Variants in XPR1 observed in about 807,000 individuals in gnomAD.
The protein encoded by XPR1 is solute carrier family 53 member 1.
XPR1 carries 28 observed loss-of-function variants against 87.5 expected under a neutral mutation model. The observed-to-expected ratio is 0.32, with a 90% confidence interval of 0.24 to 0.44. The LOEUF is 0.44. Ranked by LOEUF, XPR1 falls within the 20% of genes least tolerant of loss-of-function variation. The pLI is 1.00. For synonymous variants in XPR1, 300 were observed against 306.1 expected (o/e 0.98, Z 0.21); for missense variants, 559 against 862.3 (o/e 0.65, Z 4.41).
chr1:180,639,314 G>A (rs755508332), intron 1 of XPR1, among the ~76,000 whole-genome samples: 7 of 151,314 alleles, frequency 4.6e-5, no homozygotes, highest in African/African-American at 7.3e-5. Flanking sequence ...TTTAAAAATT[G>A]TTTATTTGCT....
chr1:180,754,769 T>A (rs1030938841), intron 2 of XPR1, among the ~76,000 whole-genome samples: 1 of 152,100 alleles, frequency 6.6e-6, no homozygotes, highest in Non-Finnish European at 1.5e-5. Flanking sequence ...GCCTCCTTTC[T>A]TGTATTTTAA....
In XPR1 at chr1:180,783,688, A is replaced by C. The variant is rs555229468; in HGVS notation, c.122-4065A>C. Among the ~76,000 whole-genome samples the C allele has an allele frequency of 1.3e-3, 198 of 152,098 alleles. 2 individuals are homozygous for C. Among genetic ancestry groups the C allele is most frequent in the African/African-American group, 4.6e-3 (189 of 41,522 alleles). Reference sequence around the variant, plus strand: ...TATGTATATTATTTTTTAAATGCTTAATGTTACATAATATCATAATGTACT... The same window carrying C: ...TATGTATATTATTTTTTAAATGCTTCATGTTACATAATATCATAATGTACT... On this transcript the variant is annotated intron_variant, in intron 2 of 14. Transcript: ENST00000367590.
At chr1:180,875,528 A>AT (rs1205828350) in intron 13 of XPR1, among the ~76,000 whole-genome samples, 6 of 148,254 alleles carry the variant, frequency 4.0e-5, no homozygotes, top group South Asian at 2.1e-4. Flanking sequence ...AAAAAAAAAA[A>AT]TTTTTTTTTG....
chr1:180,632,625 C>T (rs1323031060), intron 1 of XPR1, among the ~76,000 whole-genome samples: 1 of 152,232 alleles, frequency 6.6e-6, no homozygotes, highest in Non-Finnish European at 1.5e-5. Context: ...CGCGCTAATC[C>T]CCTTCTCCCC....
intron 2 of XPR1, among the ~76,000 whole-genome samples, chr1:180,769,851 A>G (rs973293093): frequency 1.6e-4 from 25 of 152,238 alleles, no homozygotes; most frequent in African/African-American, 5.8e-4. Context: ...AGGAACCTCC[A>G]AACTGTTCTC....
chr1:180,799,568 A>G (rs1649706793), intron 3 of XPR1, among the ~76,000 whole-genome samples: 1 of 152,208 alleles, frequency 6.6e-6, no homozygotes, highest in South Asian at 2.1e-4. Context: ...ATAGTGGATA[A>G]AGCATTTCAG....
chr1:180,644,326 A>G (rs1040800601), intron 1 of XPR1, among the ~76,000 whole-genome samples: 5 of 151,214 alleles, frequency 3.3e-5, no homozygotes, highest in Admixed American at 1.3e-4. Context: ...TTCCTGGATT[A>G]TGCTTATATG....
At chr1:180,632,828 G>C (rs1461053360) in intron 1 of XPR1, among the ~76,000 whole-genome samples, 1 of 152,216 alleles carries the variant, frequency 6.6e-6, no homozygotes, top group African/African-American at 2.4e-5. Flanking sequence ...TTGTAACGGG[G>C]TTGAAACTTG....
chr1:180,806,441 A>G lies in XPR1; in HGVS notation c.598-33A>G, dbSNP rs753912003. On this transcript the variant is annotated intron_variant, in intron 5 of 14. Coordinates refer to ENST00000367590, the MANE Select transcript of XPR1 (RefSeq NM_004736.4). The stretch of plus-strand genomic sequence containing the variant: ...TTGTGCATCACTCAAGTTTAGTATA[A>G]CCTAACCAAAATGTAATAATTTGTC... 2.7e-5 allele frequency: 44 copies of G among 1,608,904 alleles called. No homozygotes were observed. In the East Asian group the frequency reaches 8.9e-4, roughly 33 times the overall value.
intron 2 of XPR1, among the ~76,000 whole-genome samples, chr1:180,698,579 T>G (rs1359912135): frequency 6.6e-6 from 1 of 152,190 alleles, no homozygotes; most frequent in Non-Finnish European, 1.5e-5. Context: ...TCTTTCTCAT[T>G]TTTGTGTATC....
At chr1:180,654,823 A>G (rs1402593141) in intron 1 of XPR1, among the ~76,000 whole-genome samples, 5 of 152,136 alleles carry the variant, frequency 3.3e-5, no homozygotes, top group African/African-American at 1.2e-4. Flanking sequence ...ATGTTTAGCT[A>G]TTGTGAATGC....
intron 2 of XPR1, among the ~76,000 whole-genome samples, chr1:180,693,325 A>G (rs1036950115): frequency 1.3e-5 from 2 of 152,244 alleles, no homozygotes; most frequent in African/African-American, 4.8e-5. Flanking sequence ...AGAAAGAAGC[A>G]TATGAAGTTG....
chr1:180,788,241 A>C (rs909677164), intron 3 of XPR1, among the ~76,000 whole-genome samples: 2 of 152,138 alleles, frequency 1.3e-5, no homozygotes, highest in African/African-American at 4.8e-5. Context: ...GAACACTTAT[A>C]CTTATTTCTC....
chr1:180,750,205 C>G (rs1647474556), intron 2 of XPR1, among the ~76,000 whole-genome samples: 1 of 152,006 alleles, frequency 6.6e-6, no homozygotes, highest in African/African-American at 2.4e-5. Flanking sequence ...TTATAAGAAG[C>G]ACTGCAACAC....
At chr1:180,789,689 G>A (rs1432855187) in intron 3 of XPR1, among the ~76,000 whole-genome samples, 2 of 151,860 alleles carry the variant, frequency 1.3e-5, no homozygotes, top group South Asian at 2.1e-4. Flanking sequence ...CTAAGTGCTA[G>A]CATTATAGAC....
At chr1:180,882,967 G>GTTTTTTTTTTTTTTTTTTTT (rs1156645233) in intron 14 of XPR1, among the ~76,000 whole-genome samples, 28 of 150,616 alleles carry the variant, frequency 1.9e-4, no homozygotes, top group African/African-American at 6.2e-4. Context: ...TTGGGGGTTG[G>GTTTTTTTTTTTTTTTTTTTT]TTGTTTTTTT....
chr1:180,708,537 G>A (rs1391890778), intron 2 of XPR1, among the ~76,000 whole-genome samples: 1 of 151,826 alleles, frequency 6.6e-6, no homozygotes, highest in South Asian at 2.1e-4. Context: ...TACGTTTCTG[G>A]AAGATTTAGT....
At chr1:180,814,865 C>T (rs565071775) in intron 7 of XPR1, among the ~76,000 whole-genome samples, 1 of 151,988 alleles carries the variant, frequency 6.6e-6, no homozygotes, top group African/African-American at 2.4e-5. Context: ...GAGAAGGAGA[C>T]AGTTGAGCAA....
intron 1 of XPR1, among the ~76,000 whole-genome samples, chr1:180,633,077 A>C (rs1160210689): frequency 6.6e-6 from 1 of 152,212 alleles, no homozygotes; most frequent in Non-Finnish European, 1.5e-5. Context: ...AGTATATTGT[A>C]AACAATATAC....
Sources: allele counts gnomAD v4.1 joint callset (sites outside exome capture counted in the v4.1 genomes callset), GRCh38; gene constraint gnomAD v4.1.1; transcripts MANE v1.5; gene names NCBI Gene and HGNC (gene_info 2026-07-23, HGNC 2026-07-21).